The following CADPS2 variants were observed in gnomAD, a reference collection of about 807,000 sequenced individuals.
The protein encoded by CADPS2 is calcium dependent secretion activator 2.
In CADPS2, 93 loss-of-function variants were observed where a neutral mutation model predicts 172.5. The observed-to-expected ratio is 0.54, with a 90% CI of 0.46 to 0.64. The LOEUF is 0.64. CADPS2 is among the 30% of genes least tolerant of loss of function. CADPS2 has a pLI of 0.00. For missense variants in CADPS2, 1,420 were observed against 1,565.9 expected (o/e 0.91, Z 1.57); for synonymous variants, 546 against 555.2 (o/e 0.98, Z 0.23).
At chr7:122,692,175 T>C (rs921290946) in intron 2 of CADPS2, among the ~76,000 whole-genome samples, 5 of 152,112 alleles carry the variant, frequency 3.3e-5, no homozygotes, top group African/African-American at 1.2e-4. Context: ...CTGAATGACT[T>C]GCACTAAGTC....
chr7:122,397,673 A>G (rs1216414969), intron 20 of CADPS2, among the ~76,000 whole-genome samples: 1 of 152,194 alleles, frequency 6.6e-6, no homozygotes, highest in East Asian at 1.9e-4. Context: ...CTTAATATGT[A>G]GCCTGAGGCA....
intron 3 of CADPS2, among the ~76,000 whole-genome samples, chr7:122,640,533 G>A (rs1000156264): frequency 3.3e-5 from 5 of 151,564 alleles, no homozygotes; most frequent in African/African-American, 1.2e-4. Context: ...AAGGGAAGGG[G>A]AGAAGAAATA....
At chr7:122,640,686 C>T (rs1041937947) in intron 3 of CADPS2, among the ~76,000 whole-genome samples, 1 of 152,084 alleles carries the variant, frequency 6.6e-6, no homozygotes, top group African/African-American at 2.4e-5. Context: ...AATCCCAGCA[C>T]TTTGGGAGGC....
chr7:122,552,795 T>A (rs1475998172), intron 8 of CADPS2, among the ~76,000 whole-genome samples: 50 of 127,808 alleles, frequency 3.9e-4, no homozygotes, highest in Non-Finnish European at 1.9e-4. Flanking sequence ...TTTTTTTTTA[T>A]TATTGTGCCA....
At chr7:122,748,899 A>C (rs1420553259) in intron 1 of CADPS2, among the ~76,000 whole-genome samples, 1 of 152,088 alleles carries the variant, frequency 6.6e-6, no homozygotes, top group Non-Finnish European at 1.5e-5. Flanking sequence ...GATTATTATC[A>C]GGTATCTCAA....
At chr7:122,450,816 T>TGAGA (rs924234501) in intron 15 of CADPS2, among the ~76,000 whole-genome samples, 2 of 152,102 alleles carry the variant, frequency 1.3e-5, no homozygotes, top group Non-Finnish European at 2.9e-5. Context: ...ATTACAGGCA[T>TGAGA]GAGACTCTGT....
rs888197324 is a variant in CADPS2, at chr7:122,407,424, T to A, written c.2746+116A>T. ...ATCGGGCAGGCTGAGCAAACCTAAA[T>A]GTTACCCATGCGAACTCTTGTCAGG... is the stretch of plus-strand genomic sequence containing the variant. On this transcript the variant is annotated intron_variant, in intron 20 of 29. Coordinates refer to ENST00000449022, the MANE Select transcript of CADPS2 (RefSeq NM_017954.11). 25 of 1,127,706 alleles carry A rather than the reference T, an allele frequency of 2.2e-5. No homozygotes were observed. In the African/African-American group the frequency reaches 3.3e-4, roughly 15 times the overall value. The allele number at this position is 1,127,706 out of a possible 1,614,324, so 69.9% of individuals were successfully genotyped here.
intron 20 of CADPS2, among the ~76,000 whole-genome samples, chr7:122,404,127 T>C (rs2046316300): frequency 1.3e-5 from 2 of 152,170 alleles, no homozygotes; most frequent in African/African-American, 4.8e-5. Flanking sequence ...TATCTCCTAA[T>C]GCTATCCCTC....
chr7:122,447,028 C>T (rs941109169), intron 15 of CADPS2, among the ~76,000 whole-genome samples: 1 of 132,020 alleles, frequency 7.6e-6, no homozygotes, highest in African/African-American at 2.9e-5. Flanking sequence ...TAAGTAGCTC[C>T]CTCTTTTTTT....
rs1563639521 is a variant in CADPS2, at chr7:122,539,748, T to TCTTTCTCTCTCTCC, written c.1475+14801_1475+14802insGGAGAGAGAGAAAG. On this transcript the variant is annotated intron_variant, in intron 8 of 29. Coordinates refer to ENST00000449022, the MANE Select transcript of CADPS2 (RefSeq NM_017954.11). ...AACTCTGCCTGTCTGTCCCTCTCTC[T>TCTTTCTCTCTCTCC]CTGTCTCTCTCTGTCTCTGTCTCTC... Among the ~76,000 whole-genome samples, 205 of 115,860 alleles carry TCTTTCTCTCTCTCC rather than the reference T, an allele frequency of 1.8e-3. 1 individual carries two copies. Among genetic ancestry groups the TCTTTCTCTCTCTCC allele is most frequent in the African/African-American group, 6.9e-3 (193 of 27,770 alleles). 76.0% of individuals were successfully genotyped at this position (115,860 alleles called of 152,430 possible).
intron 17 of CADPS2, among the ~76,000 whole-genome samples, chr7:122,428,712 G>T (rs553865081): frequency 6.6e-6 from 1 of 151,820 alleles, no homozygotes; most frequent in Non-Finnish European, 1.5e-5. Context: ...CAGGTGATCC[G>T]CCCACCTTGG....
intron 1 of CADPS2, among the ~76,000 whole-genome samples, chr7:122,800,353 T>G (rs531533877): frequency 6.6e-6 from 1 of 152,182 alleles, no homozygotes; most frequent in African/African-American, 2.4e-5. Flanking sequence ...AATACATTAT[T>G]AGAGAGAAAA....
intron 8 of CADPS2, among the ~76,000 whole-genome samples, chr7:122,521,197 A>C (rs910935319): frequency 3.9e-5 from 6 of 152,122 alleles, no homozygotes; most frequent in Non-Finnish European, 5.9e-5. Context: ...ATTCGGATAG[A>C]GTTCGGTTAA....
chr7:122,366,242 C>T (rs970252066), intron 25 of CADPS2, among the ~76,000 whole-genome samples: 3 of 151,526 alleles, frequency 2.0e-5, no homozygotes, highest in Non-Finnish European at 2.9e-5. Context: ...AACACAGTTC[C>T]AGAATATCAT....
At chr7:122,796,566 C>T (rs1272979878) in intron 1 of CADPS2, among the ~76,000 whole-genome samples, 1 of 152,156 alleles carries the variant, frequency 6.6e-6, no homozygotes, top group East Asian at 1.9e-4. Context: ...GGCTGCACAC[C>T]TACAACTATC....
intron 1 of CADPS2, among the ~76,000 whole-genome samples, chr7:122,742,800 G>A (rs561821852): frequency 3.3e-4 from 50 of 152,220 alleles, no homozygotes; most frequent in African/African-American, 1.2e-3. Context: ...TCCTTCACCT[G>A]ATGACTAGAG....
intron 1 of CADPS2, among the ~76,000 whole-genome samples, chr7:122,821,979 C>A (rs1209485797): frequency 3.9e-5 from 6 of 152,038 alleles, no homozygotes; most frequent in East Asian, 1.9e-4. Flanking sequence ...CCCCAAAAAA[C>A]TTGTCATCCC....
At chr7:122,580,582 T>C (rs537213402) in intron 7 of CADPS2, among the ~76,000 whole-genome samples, 1 of 152,292 alleles carries the variant, frequency 6.6e-6, no homozygotes, top group Non-Finnish European at 1.5e-5. Context: ...CTAATGTTAA[T>C]GCTTTTACTG....
intron 14 of CADPS2, among the ~76,000 whole-genome samples, chr7:122,463,182 T>C (rs1482543370): frequency 2.6e-5 from 4 of 152,150 alleles, no homozygotes; most frequent in Admixed American, 2.6e-4. Context: ...ACATTTATAA[T>C]ATTTGACACA....
Sources: allele counts gnomAD v4.1 joint callset (sites outside exome capture counted in the v4.1 genomes callset), GRCh38; gene constraint gnomAD v4.1.1; transcripts MANE v1.5; gene names NCBI Gene and HGNC (gene_info 2026-07-23, HGNC 2026-07-21).